KIF26B: variants seen among roughly 807,000 people sequenced by gnomAD.
The protein encoded by KIF26B is kinesin family member 26B, also known as kinesin-like protein KIF26B.
Under a neutral mutation model 151.2 loss-of-function variants are expected in KIF26B, and 63 were observed. That is an observed-to-expected ratio of 0.42 (90% CI 0.34 to 0.51). The LOEUF is 0.51. Among genes scored for constraint, KIF26B ranks in the 20% least tolerant of loss-of-function variants. The pLI is 0.07. For missense variants in KIF26B, 2,813 were observed against 2,913.6 expected (o/e 0.97, Z 0.79); for synonymous variants, 1,357 against 1,262.1 (o/e 1.08, Z -1.59).
At chr1:245,641,044 G>A (rs551913659) in intron 9 of KIF26B, among the ~76,000 whole-genome samples, 25 of 152,024 alleles carry the variant, frequency 1.6e-4, no homozygotes, top group Middle Eastern at 3.4e-3. Flanking sequence ...GTAGTGATAC[G>A]TTTTCTCTGG....
At chr1:245,264,447 T>C (rs1048009814) in intron 2 of KIF26B, among the ~76,000 whole-genome samples, 2 of 152,220 alleles carry the variant, frequency 1.3e-5, no homozygotes, top group Non-Finnish European at 2.9e-5. Flanking sequence ...ATCTTTGTTT[T>C]CTGTTCGGGC....
intron 10 of KIF26B, among the ~76,000 whole-genome samples, chr1:245,652,170 CT>C (rs1348238013): frequency 1.3e-5 from 2 of 148,556 alleles, no homozygotes; most frequent in Admixed American, 1.3e-4. Context: ...CATATTTAAC[CT>C]CCTTTAAATG....
chr1:245,412,626 A>G (rs2103032518), intron 3 of KIF26B, among the ~76,000 whole-genome samples: 1 of 152,294 alleles, frequency 6.6e-6, no homozygotes, highest in South Asian at 2.1e-4. Context: ...CACGTCTTTT[A>G]TCTTGATTCT....
chr1:245,541,574 G>A (rs1277317675), intron 5 of KIF26B, among the ~76,000 whole-genome samples: 2 of 152,188 alleles, frequency 1.3e-5, no homozygotes, highest in Non-Finnish European at 2.9e-5. Flanking sequence ...GAAAGCGTTT[G>A]GGTGAAGTAA....
At chr1:245,197,478 CTT>C (rs1669216130) in intron 2 of KIF26B, among the ~76,000 whole-genome samples, 2 of 151,978 alleles carry the variant, frequency 1.3e-5, no homozygotes, top group South Asian at 4.1e-4. Flanking sequence ...ATAATTATAA[CTT>C]TGTTTTTTTT....
At chr1:245,404,328 C>T (rs1382272809) in intron 3 of KIF26B, among the ~76,000 whole-genome samples, 1 of 151,706 alleles carries the variant, frequency 6.6e-6, no homozygotes, top group Non-Finnish European at 1.5e-5. Flanking sequence ...ATAGCAGACT[C>T]CAGGGACTCA....
Position 245,709,192 on chromosome 1 carries a change from G to T in KIF26B, c.*6586G>T, listed in dbSNP as rs2044876975. ...CTATATAAACGTTAGGTGTTGGCTTGATTATGATAAATATGAGCAGGCTCC... is the reference window on the plus strand; with the variant it reads ...CTATATAAACGTTAGGTGTTGGCTTTATTATGATAAATATGAGCAGGCTCC... On this transcript the variant is annotated 3_prime_UTR_variant, in exon 15 of 15. Transcript: ENST00000407071. 1 of 152,174 alleles carries T rather than the reference G, an allele frequency of 6.6e-6. No individual in the cohort carries two copies. The highest frequency in any genetic ancestry group is 6.5e-5 in the Admixed American group (1 of 15,288). 9.4% of individuals were successfully genotyped at this position (152,174 alleles called of 1,614,324 possible).
chr1:245,620,698 G>A lies in KIF26B; in HGVS notation c.2098+8722G>A, dbSNP rs150715150. Among the ~76,000 whole-genome samples the A allele has an allele frequency of 2.7e-3, 405 of 152,204 alleles. 2 individuals are homozygous for A. Among genetic ancestry groups the A allele is most frequent in the African/African-American group, 9.1e-3 (379 of 41,532 alleles). On this transcript the variant is annotated intron_variant, in intron 9 of 14. Coordinates refer to ENST00000407071, the MANE Select transcript of KIF26B (RefSeq NM_018012.4). ...ATTACAGGTGTGAGCCATGGTACCCGTCCAAAAAATCCTCATTTTTTATCA... is the reference window on the plus strand; with the variant it reads ...ATTACAGGTGTGAGCCATGGTACCCATCCAAAAAATCCTCATTTTTTATCA...
intron 4 of KIF26B, among the ~76,000 whole-genome samples, chr1:245,422,242 A>G (rs956192382): frequency 3.9e-5 from 6 of 152,196 alleles, no homozygotes; most frequent in Non-Finnish European, 7.3e-5. Flanking sequence ...ACAGTGGGAA[A>G]CAAGTACCAT....
intron 5 of KIF26B, among the ~76,000 whole-genome samples, chr1:245,591,965 G>T (rs1238025397): frequency 6.6e-6 from 1 of 152,144 alleles, no homozygotes; most frequent in Non-Finnish European, 1.5e-5. Context: ...CCTCCCTCCA[G>T]CGCGCAGTCC....
intron 14 of KIF26B, among the ~76,000 whole-genome samples, chr1:245,699,376 A>C (rs1287829865): frequency 6.6e-6 from 1 of 152,176 alleles, no homozygotes. Flanking sequence ...CCACAAAATC[A>C]CACTGCATAT....
At chr1:245,623,537 AG>A (rs2043687979) in intron 9 of KIF26B, among the ~76,000 whole-genome samples, 2 of 152,238 alleles carry the variant, frequency 1.3e-5, no homozygotes, top group African/African-American at 4.8e-5. Context: ...TACAAATAAA[AG>A]TACTAAAGGT....
Position 245,659,887 on chromosome 1 carries a change from GAAA to G in KIF26B, c.2258+13619_2258+13621del, listed in dbSNP as rs201409105. On this transcript the variant is annotated intron_variant, in intron 10 of 14. Coordinates refer to ENST00000407071, the MANE Select transcript of KIF26B (RefSeq NM_018012.4). The stretch of plus-strand genomic sequence containing the variant: ...AACCCAATATCTACTAAAAATACAA[GAAA>G]AAAAAAAAAAAGCCAGGCGTGGTGG... Among the ~76,000 whole-genome samples, 12 of 130,532 alleles carry G rather than the reference GAAA, an allele frequency of 9.2e-5. No homozygotes were observed. In the East Asian group the frequency reaches 1.7e-3, roughly 19 times the overall value. The allele number at this position is 130,532 out of a possible 152,430, so 85.6% of individuals were successfully genotyped here.
chr1:245,694,405 G>A (rs770072386), intron 12 of KIF26B, among the ~76,000 whole-genome samples: 2 of 152,232 alleles, frequency 1.3e-5, no homozygotes, highest in East Asian at 1.9e-4. Flanking sequence ...GCGATGGAGC[G>A]AAAGCCATGC....
chr1:245,423,407 T>C (rs1658540408), intron 4 of KIF26B, among the ~76,000 whole-genome samples: 1 of 151,994 alleles, frequency 6.6e-6, no homozygotes, highest in African/African-American at 2.4e-5. Context: ...CCATCCTCGT[T>C]TCCTCTCACT....
intron 4 of KIF26B, among the ~76,000 whole-genome samples, chr1:245,506,397 T>G (rs1660729700): frequency 6.6e-6 from 1 of 152,256 alleles, no homozygotes. Context: ...GAAACTATTC[T>G]TAATTCCATC....
intron 2 of KIF26B, among the ~76,000 whole-genome samples, chr1:245,274,132 T>G (rs1040707039): frequency 1.3e-5 from 2 of 152,238 alleles, no homozygotes; most frequent in Admixed American, 1.3e-4. Context: ...AAAATCTATA[T>G]GCTTTTCTGC....
At chr1:245,346,023 C>G (rs1244441358) in intron 2 of KIF26B, among the ~76,000 whole-genome samples, 3 of 151,672 alleles carry the variant, frequency 2.0e-5, no homozygotes, top group Admixed American at 1.3e-4. Context: ...ACTTCTGCCC[C>G]CTGGGTTCAA....
chr1:245,374,247 T>C (rs1183155039), intron 3 of KIF26B, among the ~76,000 whole-genome samples: 1 of 148,004 alleles, frequency 6.8e-6, no homozygotes, highest in Non-Finnish European at 1.5e-5. Context: ...TCAGAAGCCC[T>C]GGGGGATCTT....
Sources: gnomAD v4.1 joint callset for allele counts (sites outside exome capture counted in the v4.1 genomes callset) on GRCh38, gnomAD v4.1.1 for gene constraint, MANE v1.5 for transcripts, NCBI Gene and HGNC (gene_info 2026-07-23, HGNC 2026-07-21) for gene names.